USH2A: variants seen among roughly 807,000 people sequenced by gnomAD.
USH2A encodes the protein Usher syndrome 2A (autosomal recessive, mild).
In USH2A, 443 loss-of-function variants were observed where a neutral mutation model predicts 538.9. The ratio of observed to expected loss-of-function variants is 0.82; its 90% CI spans 0.76 to 0.89. The LOEUF is 0.89. Among genes scored for constraint, USH2A ranks in the 40% least tolerant of loss-of-function variants. The pLI, the probability that USH2A is intolerant of heterozygous loss-of-function variation, is 0.00. For synonymous variants in USH2A, 2,413 were observed against 2,273.5 expected, an observed-to-expected ratio of 1.06 and a Z score of -1.75; for missense variants, 6,633 against 6,324.8, an observed-to-expected ratio of 1.05 and a Z score of -1.65.
intron 37 of USH2A, among the ~76,000 whole-genome samples, chr1:215,963,594 T>G (rs549078461): frequency 6.6e-6 from 1 of 152,246 alleles, no homozygotes; most frequent in South Asian, 2.1e-4. Flanking sequence ...AGGCACTCTG[T>G]TCTTTATTAC....
At chr1:216,273,590 A>G (rs2036614866) in intron 11 of USH2A, among the ~76,000 whole-genome samples, 1 of 152,124 alleles carries the variant, frequency 6.6e-6, no homozygotes, top group Non-Finnish European at 1.5e-5. Flanking sequence ...TCACTGTAAT[A>G]TACACCTTGA....
chr1:216,027,323 G>A (rs1046955642), intron 32 of USH2A, among the ~76,000 whole-genome samples: 1 of 152,166 alleles, frequency 6.6e-6, no homozygotes, highest in Non-Finnish European at 1.5e-5. Flanking sequence ...CAATTTGTAA[G>A]CCAAGGAGAG....
intron 64 of USH2A, among the ~76,000 whole-genome samples, chr1:215,655,748 TTC>T (rs1267242296): frequency 1.5e-4 from 22 of 147,232 alleles, no homozygotes; most frequent in African/African-American, 4.4e-4. Context: ...TTTTTTTTTT[TTC>T]TTTGAGACAG....
intron 3 of USH2A, among the ~76,000 whole-genome samples, chr1:216,410,612 C>G (rs747262496): frequency 5.9e-5 from 9 of 151,844 alleles, no homozygotes; most frequent in African/African-American, 1.9e-4. Flanking sequence ...CTCAATAATG[C>G]TAATAATTTC....
intron 32 of USH2A, among the ~76,000 whole-genome samples, chr1:216,043,494 C>A (rs2030377285): frequency 6.6e-6 from 1 of 151,880 alleles, no homozygotes; most frequent in South Asian, 2.1e-4. Context: ...AGATAGAAAA[C>A]CATTGAAGAA....
chr1:216,182,052 G>T (rs2034504016), intron 20 of USH2A, among the ~76,000 whole-genome samples: 1 of 151,992 alleles, frequency 6.6e-6, no homozygotes, highest in Admixed American at 6.6e-5. Flanking sequence ...ATTTTAATAG[G>T]ATACTTAGGC....
At chr1:216,248,596 A>G (rs1006017516) in intron 12 of USH2A, among the ~76,000 whole-genome samples, 2 of 152,094 alleles carry the variant, frequency 1.3e-5, no homozygotes, top group African/African-American at 4.8e-5. Context: ...AAGTTCTTTA[A>G]CAGTGATGAA....
intron 35 of USH2A, among the ~76,000 whole-genome samples, chr1:215,988,462 G>A (rs983300916): frequency 1.3e-5 from 2 of 152,186 alleles, no homozygotes; most frequent in African/African-American, 2.4e-5. Flanking sequence ...TTTGCACCTC[G>A]TAGCTACCGT....
At chr1:215,979,715 A>T (rs1667705137) in intron 35 of USH2A, among the ~76,000 whole-genome samples, 1 of 152,208 alleles carries the variant, frequency 6.6e-6, no homozygotes, top group South Asian at 2.1e-4. Flanking sequence ...AATTAAAAAA[A>T]AAACTTGTGA....
At chr1:216,378,758 A>G (rs886394212) in intron 3 of USH2A, among the ~76,000 whole-genome samples, 4 of 152,080 alleles carry the variant, frequency 2.6e-5, no homozygotes, top group Non-Finnish European at 4.4e-5. Context: ...GCTCTAATCA[A>G]TTCACTGCAT....
At position 215,766,709 on chromosome 1, in the gene USH2A, T is replaced by C; in HGVS notation, c.11019A>G (p.Leu3673=). The C allele has an allele frequency of 6.2e-7, 1 of 1,613,672 alleles. No individual in the cohort carries two copies. The highest frequency in any genetic ancestry group is 8.5e-7 in the Non-Finnish European group (1 of 1,179,634). ...SAGCTSSEPF[L]GQTLQAAPEG... is the part of the protein sequence containing the mutation. ...CAGGAGCTGCCTGCAGTGTCTGACC[T>C]AGAAAAGGCTCGCTTGAAGTGCACC... is the stretch of plus-strand genomic sequence containing the variant. Residue 3673 remains leucine (L), a synonymous_variant, in exon 56 of 72, where the codon CTA becomes CTG. Coordinates refer to ENST00000307340, the MANE Select transcript of USH2A (RefSeq NM_206933.4).
At chr1:216,165,742 T>G (rs905602102) in intron 21 of USH2A, among the ~76,000 whole-genome samples, 1 of 152,080 alleles carries the variant, frequency 6.6e-6, no homozygotes, top group African/African-American at 2.4e-5. Flanking sequence ...AAGACACAAA[T>G]GTGTTAAGCA....
intron 50 of USH2A, among the ~76,000 whole-genome samples, chr1:215,797,371 C>T (rs1662173793): frequency 6.6e-6 from 1 of 152,222 alleles, no homozygotes; most frequent in Non-Finnish European, 1.5e-5. Flanking sequence ...AAGGTGGCTA[C>T]ACTAAACAAC....
intron 58 of USH2A, among the ~76,000 whole-genome samples, 174 bp from the exon 59 acceptor site, chr1:215,743,509 C>G (rs1185324144): frequency 6.7e-6 from 1 of 149,208 alleles, no homozygotes; most frequent in Non-Finnish European, 1.5e-5. Flanking sequence ...AAATGTTTGT[C>G]TTTTAAAAAT....
At position 216,035,537 on chromosome 1, in the gene USH2A, G is replaced by T. The variant is rs1272638176; in HGVS notation, c.6325+10894C>A. On this transcript the variant is annotated intron_variant, in intron 32 of 71. Transcript: ENST00000307340. ...AAGTGTGAGACAGTCAATTTCTGTT[G>T]TTTAAGCCATCTAGTTTGTGTTACT... Among the ~76,000 whole-genome samples the T allele has an allele frequency of 2.0e-5, 3 of 152,102 alleles. No individual in the cohort carries two copies. The East Asian group carries it at 5.8e-4, about 29-fold the overall frequency.
At chr1:216,269,339 C>T (rs565116165) in intron 11 of USH2A, among the ~76,000 whole-genome samples, 48 of 152,144 alleles carry the variant, frequency 3.2e-4, no homozygotes, top group Non-Finnish European at 5.7e-4. Context: ...TTGCTGCCAC[C>T]CATACAAGAT....
intron 38 of USH2A, among the ~76,000 whole-genome samples, chr1:215,912,481 ATATATATATG>A (rs1665822628): frequency 1.0e-4 from 2 of 19,730 alleles, no homozygotes; most frequent in African/African-American, 1.8e-4. Context: ...ATATACGTAT[ATATATATATG>A]TGTATATATA....
chr1:216,020,393 C>A (rs1668820237), intron 32 of USH2A, among the ~76,000 whole-genome samples: 1 of 152,194 alleles, frequency 6.6e-6, no homozygotes, highest in South Asian at 2.1e-4. Flanking sequence ...GCCTTTAGAG[C>A]AAAGATTGAA....
intron 15 of USH2A, among the ~76,000 whole-genome samples, chr1:216,212,579 A>G (rs1258934475): frequency 1.3e-5 from 2 of 152,052 alleles, no homozygotes; most frequent in African/African-American, 4.8e-5. Context: ...TTGTATGATT[A>G]TAGTCAAATA....
Sources: allele counts gnomAD v4.1 joint callset (sites outside exome capture counted in the v4.1 genomes callset), GRCh38; gene constraint gnomAD v4.1.1; transcripts MANE v1.5; gene names NCBI Gene and HGNC (gene_info 2026-07-23, HGNC 2026-07-21).